Variants in CDK14 observed in about 807,000 individuals in gnomAD.
The protein encoded by CDK14 is cyclin-dependent kinase 14.
A neutral mutation model predicts 60.7 loss-of-function variants in CDK14; 34 were observed. The ratio of observed to expected loss-of-function variants is 0.56; its 90% CI spans 0.43 to 0.75. The LOEUF (loss-of-function observed/expected upper bound fraction) is 0.75, where lower values mean the gene tolerates loss of function less well. Ranked by LOEUF, CDK14 falls within the 30% of genes least tolerant of loss-of-function variation. CDK14 has a pLI of 0.00. For missense variants in CDK14, 482 were observed against 564.1 expected, an observed-to-expected ratio of 0.85 and a Z score of 1.47; for synonymous variants, 197 against 203.7, an observed-to-expected ratio of 0.97 and a Z score of 0.28.
intron 2 of CDK14, among the ~76,000 whole-genome samples, chr7:90,688,184 A>G (rs1041138147): frequency 2.6e-5 from 4 of 152,192 alleles, no homozygotes; most frequent in Non-Finnish European, 5.9e-5. Flanking sequence ...ACACATTCCT[A>G]TGACCTGTTC....
At chr7:90,709,909 G>A (rs1801999932) in intron 2 of CDK14, 8 of 1,218,328 alleles carry the variant, frequency 6.6e-6, no homozygotes, top group Non-Finnish European at 8.3e-6. Flanking sequence ...CTAGAGACAT[G>A]TTAAAGAGTT....
chr7:91,178,549 C>T (rs187928800), intron 14 of CDK14, among the ~76,000 whole-genome samples: 5,120 of 151,370 alleles, frequency 0.034, 157 homozygotes, highest in South Asian at 0.081. Flanking sequence ...AGAAAATTTT[C>T]ACAACCTACT....
chr7:90,689,941 GA>G (rs1282029093), intron 2 of CDK14, among the ~76,000 whole-genome samples: 7 of 151,788 alleles, frequency 4.6e-5, no homozygotes, highest in Non-Finnish European at 7.4e-5. Flanking sequence ...TGGGCTTTGA[GA>G]AAATTTTTAT....
intron 3 of CDK14, among the ~76,000 whole-genome samples, chr7:90,730,046 C>T (rs1802799807): frequency 6.6e-6 from 1 of 152,170 alleles, no homozygotes. Flanking sequence ...TGATGTTCCC[C>T]TCCCTGTGTC....
At chr7:90,635,500 T>C (rs1186978996) in intron 2 of CDK14, among the ~76,000 whole-genome samples, 1 of 152,232 alleles carries the variant, frequency 6.6e-6, no homozygotes, top group African/African-American at 2.4e-5. Flanking sequence ...TATATCTCTG[T>C]TTTGGTACCA....
chr7:90,934,780 G>A (rs1793699343), intron 8 of CDK14, among the ~76,000 whole-genome samples: 1 of 152,108 alleles, frequency 6.6e-6, no homozygotes, highest in South Asian at 2.1e-4. Flanking sequence ...TAGATGTATA[G>A]ATACATACAC....
intron 10 of CDK14, among the ~76,000 whole-genome samples, chr7:91,026,330 T>A (rs1367978710): frequency 6.6e-6 from 1 of 152,216 alleles, no homozygotes; most frequent in African/African-American, 2.4e-5. Flanking sequence ...CTGTCTAGAT[T>A]CCTAACTTTT....
intron 8 of CDK14, among the ~76,000 whole-genome samples, chr7:90,918,935 A>G (rs754917994): frequency 2.6e-5 from 4 of 152,328 alleles, no homozygotes; most frequent in Admixed American, 1.3e-4. Flanking sequence ...GTCATTTCCT[A>G]CTTTGATAAA....
chr7:90,687,867 G>A (rs1209238438), intron 2 of CDK14, among the ~76,000 whole-genome samples: 2 of 152,176 alleles, frequency 1.3e-5, no homozygotes, highest in Non-Finnish European at 2.9e-5. Context: ...TAAAATTGTG[G>A]AATAGTGGCC....
intron 3 of CDK14, 108 bp downstream of exon 3, chr7:90,726,920 G>T (rs1802658170): frequency 7.7e-7 from 1 of 1,306,292 alleles, no homozygotes; most frequent in Non-Finnish European, 1.1e-6. Context: ...GCCTTATTAT[G>T]CATTCTCTCC....
chr7:91,167,909 A>G (rs561929419), intron 14 of CDK14, among the ~76,000 whole-genome samples: 1 of 152,344 alleles, frequency 6.6e-6, no homozygotes, highest in Admixed American at 6.5e-5. Flanking sequence ...AATGTATTTA[A>G]CCCAAAGTGA....
intron 11 of CDK14, among the ~76,000 whole-genome samples, chr7:91,077,795 CAA>C (rs1317633819): frequency 2.0e-5 from 3 of 149,588 alleles, no homozygotes; most frequent in Non-Finnish European, 4.4e-5. Flanking sequence ...TGATCATATA[CAA>C]AAAAATTCTA....
chr7:91,122,143 C>T (rs1799797050), intron 14 of CDK14, among the ~76,000 whole-genome samples: 1 of 152,174 alleles, frequency 6.6e-6, no homozygotes, highest in South Asian at 2.1e-4. Context: ...AATAAATTTA[C>T]AAATGTTTGT....
intron 7 of CDK14, among the ~76,000 whole-genome samples, chr7:90,911,906 C>T (rs1175698837): frequency 6.6e-6 from 1 of 151,972 alleles, no homozygotes; most frequent in African/African-American, 2.4e-5. Flanking sequence ...AGGGATACTC[C>T]CAAGAAGTAT....
intron 7 of CDK14, among the ~76,000 whole-genome samples, chr7:90,901,664 A>C (rs1562820482): frequency 1.7e-5 from 2 of 121,128 alleles, no homozygotes; most frequent in Admixed American, 9.7e-5. Flanking sequence ...TCACCTGGCA[A>C]GCTTTATATG....
At chr7:90,646,796 G>A (rs1800478053) in intron 2 of CDK14, among the ~76,000 whole-genome samples, 1 of 152,054 alleles carries the variant, frequency 6.6e-6, no homozygotes, top group Non-Finnish European at 1.5e-5. Context: ...TTATTTACCT[G>A]TTTTTAAAAA....
At chr7:90,807,914 A>G (rs1236817966) in intron 5 of CDK14, among the ~76,000 whole-genome samples, 1 of 152,184 alleles carries the variant, frequency 6.6e-6, no homozygotes, top group Non-Finnish European at 1.5e-5. Flanking sequence ...AAGTTTAGAG[A>G]AAAAAGAATA....
chr7:90,667,863 C>G (rs67617547), intron 2 of CDK14, among the ~76,000 whole-genome samples: 41,398 of 152,096 alleles, frequency 0.27, 5,991 homozygotes, highest in Non-Finnish European at 0.33. Flanking sequence ...GCCACCGTGC[C>G]CAGCCAGTAC....
chr7:90,990,502 C>T (rs933463329), intron 10 of CDK14, among the ~76,000 whole-genome samples: 1 of 152,152 alleles, frequency 6.6e-6, no homozygotes, highest in Non-Finnish European at 1.5e-5. Flanking sequence ...CTTCAAGCTT[C>T]ATCTATAGGC....
Sources: allele counts gnomAD v4.1 joint callset (sites outside exome capture counted in the v4.1 genomes callset), GRCh38; gene constraint gnomAD v4.1.1; transcripts MANE v1.5; gene names NCBI Gene and HGNC (gene_info 2026-07-23, HGNC 2026-07-21).